KATNIP: variants seen among roughly 807,000 people sequenced by gnomAD.
The protein encoded by KATNIP is katanin-interacting protein.
In KATNIP, 126 loss-of-function variants were observed where a neutral mutation model predicts 174.0. The observed-to-expected ratio is 0.72, with a 90% CI of 0.63 to 0.84. The LOEUF (loss-of-function observed/expected upper bound fraction) is 0.84. KATNIP is among the 40% of genes least tolerant of loss of function. The pLI is 0.00. For missense variants in KATNIP, 1,958 were observed against 2,109.7 expected, an observed-to-expected ratio of 0.93 and a Z score of 1.41; for synonymous variants, 810 against 835.7, an observed-to-expected ratio of 0.97 and a Z score of 0.53.
At chr16:27,773,276 G>T in intron 23 of KATNIP, 67 bp downstream of exon 23, 1 of 1,104,192 alleles carries the variant, frequency 9.1e-7, no homozygotes, top group Non-Finnish European at 1.3e-6. Context: ...TCGGGAACGG[G>T]GCAGAAGCCT....
intron 8 of KATNIP, among the ~76,000 whole-genome samples, chr16:27,695,706 G>T (rs1407628123): frequency 6.6e-6 from 1 of 152,172 alleles, no homozygotes; most frequent in African/African-American, 2.4e-5. Flanking sequence ...TTCCCCAAGG[G>T]TTGAGATTCA....
intron 2 of KATNIP, among the ~76,000 whole-genome samples, chr16:27,579,032 A>C (rs1043120995): frequency 6.6e-6 from 1 of 152,232 alleles, no homozygotes; most frequent in African/African-American, 2.4e-5. Context: ...TGGCCCTTGG[A>C]CATGAATTAT....
intron 6 of KATNIP, among the ~76,000 whole-genome samples, chr16:27,675,367 C>T (rs2078076635): frequency 6.6e-6 from 1 of 152,152 alleles, no homozygotes; most frequent in Non-Finnish European, 1.5e-5. Context: ...CTGCCCTTGA[C>T]ACATGGGGAT....
At chr16:27,596,331 A>T (rs968677153) in intron 2 of KATNIP, among the ~76,000 whole-genome samples, 2 of 151,860 alleles carry the variant, frequency 1.3e-5, no homozygotes, top group Non-Finnish European at 2.9e-5. Flanking sequence ...AAAAAACAAG[A>T]CCTCTAAGTC....
In KATNIP at chr16:27,721,640, T is replaced by C. The variant is rs755466017; in HGVS notation, c.1688T>C (p.Leu563Pro). 4.3e-6 allele frequency: 7 copies of C among 1,614,166 alleles called. No homozygotes were observed. The highest frequency in any genetic ancestry group is 5.9e-6 in the Non-Finnish European group (7 of 1,180,028). The part of the protein sequence containing the change: ...LFFVIRNTRQ[L>P]GDFHLAKIKV... ...TTTGTTATTCGAAACACAAGACAGC[T>C]GGGGGACTTCCATCTGGCCAAGATC... Residue 563 changes from leucine to proline, a missense_variant, in exon 14 of 28, where the codon CTG becomes CCG. By Grantham distance (98) the Leu-to-Pro change is moderately conservative. Around this residue, in one of 3 missense-constraint regions of KATNIP, gnomAD observed 1,557 missense variants for 1,617.8 expected, o/e 0.96. Coordinates refer to ENST00000261588, the MANE Select transcript of KATNIP (RefSeq NM_015202.5).
At chr16:27,633,641 A>G (rs1270077715) in intron 5 of KATNIP, among the ~76,000 whole-genome samples, 2 of 152,154 alleles carry the variant, frequency 1.3e-5, no homozygotes, top group Non-Finnish European at 2.9e-5. Context: ...CTACTACCAC[A>G]TACGATTTCA....
At chr16:27,630,060 C>T (rs943852005) in intron 4 of KATNIP, among the ~76,000 whole-genome samples, 4 of 152,022 alleles carry the variant, frequency 2.6e-5, no homozygotes, top group African/African-American at 7.2e-5. Flanking sequence ...ATGGGACTGG[C>T]GAGACTGCTT....
intron 5 of KATNIP, among the ~76,000 whole-genome samples, chr16:27,634,985 T>TG (rs1341369138): frequency 6.6e-6 from 1 of 152,086 alleles, no homozygotes; most frequent in Non-Finnish European, 1.5e-5. Flanking sequence ...GATCATTGAT[T>TG]GGTGGAAGAG....
intron 2 of KATNIP, among the ~76,000 whole-genome samples, chr16:27,605,712 G>A (rs1169852669): frequency 1.3e-5 from 2 of 152,198 alleles, no homozygotes; most frequent in East Asian, 3.8e-4. Context: ...CTAGGGGGCA[G>A]TATCAACCGT....
chr16:27,776,041 G>C lies in KATNIP; in HGVS notation c.4450-887G>C, dbSNP rs542179375. Among the ~76,000 whole-genome samples, 2 of 152,170 alleles carry C rather than the reference G, an allele frequency of 1.3e-5. No homozygotes were observed. The highest frequency in any genetic ancestry group is 2.9e-5 in the Non-Finnish European group (2 of 68,042). On this transcript the variant is annotated intron_variant, in intron 24 of 27. Transcript: ENST00000261588. The surrounding 1 kb of genome is among the most constrained non-coding windows in gnomAD (Gnocchi z 4.7). ...TTGTCTAGCACTGGAAGGCCTTTTG[G>C]GGTGCGGCGACTTCAGCTGTTGCTC... is the stretch of plus-strand genomic sequence containing the variant.
At chr16:27,668,748 A>G (rs1047853090) in intron 6 of KATNIP, among the ~76,000 whole-genome samples, 6 of 152,162 alleles carry the variant, frequency 3.9e-5, no homozygotes, top group African/African-American at 1.2e-4. Context: ...GTTCATGCCT[A>G]CAATCCCAGC....
At chr16:27,660,938 A>G (rs907749465) in intron 6 of KATNIP, among the ~76,000 whole-genome samples, 1 of 152,170 alleles carries the variant, frequency 6.6e-6, no homozygotes, top group Non-Finnish European at 1.5e-5. Context: ...AGTGCCTGGC[A>G]TAGAGTTGGT....
At chr16:27,561,792 A>G (rs1477678286) in intron 1 of KATNIP, among the ~76,000 whole-genome samples, 4 of 152,234 alleles carry the variant, frequency 2.6e-5, no homozygotes, top group Non-Finnish European at 5.9e-5. Context: ...TAGAGTTGGA[A>G]GGAACTTGAC....
At chr16:27,745,070 T>C (rs2081240145) in intron 15 of KATNIP, among the ~76,000 whole-genome samples, 1 of 152,254 alleles carries the variant, frequency 6.6e-6, no homozygotes, top group Non-Finnish European at 1.5e-5. Context: ...AGAAATCTTA[T>C]GCTCAGCAGA....
chr16:27,655,176 G>GGATATA (rs2077228801), intron 6 of KATNIP, among the ~76,000 whole-genome samples: 1 of 50,146 alleles, frequency 2.0e-5, no homozygotes, highest in Non-Finnish European at 3.7e-5. Context: ...CCCCTAGAAT[G>GGATATA]GATATATATA....
intron 18 of KATNIP, among the ~76,000 whole-genome samples, 169 bp from the exon 19 acceptor site, chr16:27,761,244 G>T (rs1374432330): frequency 6.6e-6 from 1 of 152,206 alleles, no homozygotes; most frequent in African/African-American, 2.4e-5. Context: ...AGTGGCCTGG[G>T]CCCAAGGCCA....
chr16:27,703,932 C>T lies in KATNIP; in HGVS notation c.1323C>T (p.Val441=), dbSNP rs764292995. Reference sequence around the variant, plus strand: ...AGCTTCTGAAAGTCCTCCAGGCCGTCGAAAGTGACTCTGCCCATCTCGGCA... The same window carrying T: ...AGCTTCTGAAAGTCCTCCAGGCCGTTGAAAGTGACTCTGCCCATCTCGGCA... ...QQKLLKVLQA[V]ESDSAHLGRV... Residue 441 remains valine (V), a synonymous_variant, in exon 12 of 28, where the codon GTC becomes GTT. Transcript: ENST00000261588. 5 of 1,614,078 alleles carry T rather than the reference C, an allele frequency of 3.1e-6. No individual in the cohort carries two copies. The highest frequency in any genetic ancestry group is 1.7e-5 in the Admixed American group (1 of 60,002).
At chr16:27,589,412 A>G (rs1450442007) in intron 2 of KATNIP, among the ~76,000 whole-genome samples, 2 of 152,242 alleles carry the variant, frequency 1.3e-5, no homozygotes, top group Non-Finnish European at 2.9e-5. Flanking sequence ...CAATATGTAA[A>G]TGAGCATGGC....
At chr16:27,612,781 C>A (rs1171997149) in intron 2 of KATNIP, among the ~76,000 whole-genome samples, 1 of 151,550 alleles carries the variant, frequency 6.6e-6, no homozygotes, top group Non-Finnish European at 1.5e-5. Flanking sequence ...AAAAGAAATG[C>A]AGACTTGGGC....
Sources: gnomAD v4.1 joint callset for allele counts (sites outside exome capture counted in the v4.1 genomes callset) on GRCh38, gnomAD v4.1.1 for gene constraint, gnomAD v4.1.1 regional missense constraint, Gnocchi (gnomAD v3.1) non-coding constraint, MANE v1.5 for transcripts, NCBI Gene and HGNC (gene_info 2026-07-23, HGNC 2026-07-21) for gene names.